The following SLC43A2 variants were observed in gnomAD, a reference collection of about 807,000 sequenced individuals.
SLC43A2 encodes solute carrier family 43 member 2.
A neutral mutation model predicts 63.2 loss-of-function variants in SLC43A2; 38 were observed. The ratio of observed to expected loss-of-function variants is 0.60; its 90% CI spans 0.46 to 0.79. SLC43A2 has a LOEUF of 0.79. SLC43A2 is among the 30% of genes least tolerant of loss of function. The pLI is 0.00. For missense variants in SLC43A2, 644 were observed against 756.2 expected (o/e 0.85, Z 1.74); for synonymous variants, 322 against 331.0 (o/e 0.97, Z 0.30).
At chr17:1,625,282 C>G (rs1342730642) in intron 2 of SLC43A2, among the ~76,000 whole-genome samples, 1 of 152,232 alleles carries the variant, frequency 6.6e-6, no homozygotes, top group African/African-American at 2.4e-5. Flanking sequence ...CCTCACCAGG[C>G]TGGAACCCAA....
chr17:1,591,234 CT>C, intron 8 of SLC43A2, 34 bp downstream of exon 8: 2 of 1,596,140 alleles, frequency 1.3e-6, no homozygotes, highest in Non-Finnish European at 1.7e-6. Context: ...AGAGCACTCC[CT>C]GCCCGTCGCC....
At position 1,613,191 on chromosome 17, in the gene SLC43A2, T is replaced by C; in HGVS notation, c.501+4A>G. The C allele has an allele frequency of 6.2e-7, 1 of 1,611,924 alleles. No individual in the cohort carries two copies. The highest frequency in any genetic ancestry group is 8.5e-7 in the Non-Finnish European group (1 of 1,178,254). On this transcript the variant is annotated splice_donor_region_variant and intron_variant, in intron 5 of 13. Coordinates refer to ENST00000301335, the MANE Select transcript of SLC43A2 (RefSeq NM_152346.3). ...CTACAGAGCTTTAAAAAATCTGTAC[T>C]CACTGTTAATGAGGTGAAGGTCATA... is the stretch of plus-strand genomic sequence containing the variant.
intron 10 of SLC43A2, 171 bp downstream of exon 10, chr17:1,585,742 G>C (rs768110323): frequency 2.5e-6 from 4 of 1,571,508 alleles, no homozygotes; most frequent in Non-Finnish European, 3.4e-6. Context: ...GAGGGGAGCA[G>C]TTGAAACGCA....
rs567553741 is a variant in SLC43A2 at position 1,572,855 on chromosome 17, C to G, written c.*2749G>C. On this transcript the variant is annotated 3_prime_UTR_variant, in exon 14 of 14. Coordinates refer to ENST00000301335, the MANE Select transcript of SLC43A2 (RefSeq NM_152346.3). ...GGACTGGGCACTGCTGGGGACAGCA[C>G]GGGCCACGTCTTCCCCATCTCAAGA... 6.6e-6 allele frequency: 1 copy of G among 152,176 alleles called. No individual in the cohort carries two copies. The highest frequency in any genetic ancestry group is 1.5e-5 in the Non-Finnish European group (1 of 68,070). The allele number at this position is 152,176 out of a possible 1,614,324, so 9.4% of individuals were successfully genotyped here.
chr17:1,604,426 G>A, intron 5 of SLC43A2: 2 of 346,798 alleles, frequency 5.8e-6, no homozygotes, highest in Non-Finnish European at 1.1e-5. Flanking sequence ...GCTATTCACA[G>A]GCATGATCCC....
intron 2 of SLC43A2, among the ~76,000 whole-genome samples, chr17:1,625,085 G>A (rs1908550497): frequency 6.6e-6 from 1 of 152,108 alleles, no homozygotes; most frequent in South Asian, 2.1e-4. Flanking sequence ...GAACCCAACT[G>A]GTCTCCTGCC....
intron 11 of SLC43A2, among the ~76,000 whole-genome samples, chr17:1,582,893 A>C (rs1310172422): frequency 6.6e-6 from 1 of 152,224 alleles, no homozygotes; most frequent in Non-Finnish European, 1.5e-5. Flanking sequence ...AGCCTGGCCA[A>C]CATGGCAAAA....
At chr17:1,590,372 G>A (rs369302609) in intron 9 of SLC43A2, among the ~76,000 whole-genome samples, 27 of 152,122 alleles carry the variant, frequency 1.8e-4, no homozygotes, top group Admixed American at 5.9e-4. Flanking sequence ...TTGCCCCAGC[G>A]TCTCCAGCCC....
chr17:1,594,406 A>G (rs1490803179), intron 5 of SLC43A2, among the ~76,000 whole-genome samples: 2 of 152,196 alleles, frequency 1.3e-5, no homozygotes, highest in Admixed American at 6.5e-5. Flanking sequence ...CTCAAGAGAC[A>G]TCACACTGTG....
At chr17:1,590,121 A>T (rs886936728) in intron 9 of SLC43A2, among the ~76,000 whole-genome samples, 1 of 152,162 alleles carries the variant, frequency 6.6e-6, no homozygotes. Flanking sequence ...AAGGATTTGG[A>T]GTGTTTGTCC....
chr17:1,591,046 C>G (rs1904720612), intron 8 of SLC43A2, 98 bp from the exon 9 acceptor site: 2 of 1,393,230 alleles, frequency 1.4e-6, no homozygotes, highest in Non-Finnish European at 2.0e-6. Flanking sequence ...GGAGGGGGCC[C>G]TCGGGACGGG....
chr17:1,589,013 A>G (rs1473603942), intron 9 of SLC43A2, among the ~76,000 whole-genome samples: 28 of 152,232 alleles, frequency 1.8e-4, no homozygotes, highest in Admixed American at 1.8e-3. Context: ...CGGACCCTGC[A>G]GCTGCCTCTC....
At position 1,570,528 on chromosome 17, in the gene SLC43A2, C is replaced by T. The variant is rs577966811; in HGVS notation, c.*5076G>A. 5.5e-4 allele frequency: 82 copies of T among 150,002 alleles called. 1 individual carries two copies. The highest frequency in any genetic ancestry group is 1.6e-3 in the African/African-American group (67 of 40,658). The allele number at this position is 150,002 out of a possible 1,614,324, so 9.3% of individuals were successfully genotyped here. On this transcript the variant is annotated 3_prime_UTR_variant, in exon 14 of 14. Transcript: ENST00000301335. ...TTGAGACGGAGTCTCGCTCTGTCGC[C>T]CAGGCTGGAGTGCAGTGGCGGGATC...
intron 5 of SLC43A2, among the ~76,000 whole-genome samples, chr17:1,612,686 T>C (rs1337270830): frequency 6.6e-6 from 1 of 152,234 alleles, no homozygotes; most frequent in Non-Finnish European, 1.5e-5. Flanking sequence ...AGGCAGGGAA[T>C]GTCGGCCAGG....
chr17:1,598,519 G>A (rs142067450), intron 5 of SLC43A2, among the ~76,000 whole-genome samples: 2,826 of 152,260 alleles, frequency 0.019, 54 homozygotes, highest in South Asian at 0.084. Flanking sequence ...GGTCAGGTGA[G>A]GCTAACATGT....
chr17:1,617,170 AG>A (rs1475684014), intron 2 of SLC43A2, among the ~76,000 whole-genome samples: 1 of 152,184 alleles, frequency 6.6e-6, no homozygotes, highest in Non-Finnish European at 1.5e-5. Context: ...GTGGGGCCCC[AG>A]GCTGGTGAGA....
At chr17:1,613,150 G>GAT (rs1400216812) in intron 5 of SLC43A2, 45 bp downstream of exon 5, 5 of 1,543,664 alleles carry the variant, frequency 3.2e-6, no homozygotes, top group Non-Finnish European at 3.6e-6. Flanking sequence ...CTCAAATTTA[G>GAT]AAACAGATTA....
chr17:1,589,081 A>C (rs1322466862), intron 9 of SLC43A2, among the ~76,000 whole-genome samples: 1 of 152,220 alleles, frequency 6.6e-6, no homozygotes, highest in Non-Finnish European at 1.5e-5. Context: ...AGGAGGGGGA[A>C]AACCAGTGCC....
rs765519776 is a variant in SLC43A2, at chr17:1,627,686, C to CT, written c.160+28_160+29insA. On this transcript the variant is annotated intron_variant, in intron 2 of 13. Transcript: ENST00000301335. ...CCTCCCAAAGCCCCAGCTCCAGGAGCCCCCCGCAACCCCAGGCGCTTGTCT... is the reference window on the plus strand; with the variant it reads ...CCTCCCAAAGCCCCAGCTCCAGGAGCTCCCCCGCAACCCCAGGCGCTTGTCT... 5 of 1,212,136 alleles carry CT rather than the reference C, an allele frequency of 4.1e-6. 1 individual carries two copies. The highest frequency in any genetic ancestry group is 5.9e-5 in the African/African-American group (2 of 33,768). 75.1% of individuals were successfully genotyped at this position (1,212,136 alleles called of 1,614,324 possible).
Sources: gnomAD v4.1 joint callset for allele counts (sites outside exome capture counted in the v4.1 genomes callset) on GRCh38, gnomAD v4.1.1 for gene constraint, MANE v1.5 for transcripts, NCBI Gene and HGNC (gene_info 2026-07-23, HGNC 2026-07-21) for gene names.